SLC25A11: variants seen among roughly 807,000 people sequenced by gnomAD.
The protein encoded by SLC25A11 is mitochondrial 2-oxoglutarate/malate carrier protein.
Under a neutral mutation model 32.7 loss-of-function variants are expected in SLC25A11, and 11 were observed. That is an observed-to-expected ratio of 0.34 (90% confidence interval 0.21 to 0.56). SLC25A11 has a LOEUF of 0.56. Among genes scored for constraint, SLC25A11 ranks in the 20% least tolerant of loss-of-function variants. The probability of loss-of-function intolerance (pLI) is 0.90; values close to 1 mark genes in which losing one functional copy is unlikely to be tolerated. For missense variants in SLC25A11, 295 were observed against 426.3 expected (o/e 0.69, Z 2.71); for synonymous variants, 163 against 168.3 (o/e 0.97, Z 0.24).
Position 4,938,725 on chromosome 17 carries a change from T to A in SLC25A11, c.455+44A>T, listed in dbSNP as rs1475571010. 1 of 1,596,382 alleles carries A rather than the reference T, an allele frequency of 6.3e-7. No individual in the cohort carries two copies. Among genetic ancestry groups the A allele is most frequent in the Non-Finnish European group, 8.6e-7 (1 of 1,166,938 alleles). On this transcript the variant is annotated intron_variant, in intron 3 of 7. Coordinates refer to ENST00000225665, the MANE Select transcript of SLC25A11 (RefSeq NM_003562.5). This position sits in a 1 kb window ranked among gnomAD's most constrained non-coding sequence, Gnocchi z 7.6. The stretch of plus-strand genomic sequence containing the variant: ...AAAAAACTGGTCCTTTCATTCTAGA[T>A]TCGAGGGAATGGGGCTGGGGTTAGG...
At position 4,938,981 on chromosome 17, in the gene SLC25A11, G is replaced by C. The variant is rs1280871467; in HGVS notation, c.249-6C>G. 1 of 1,614,186 alleles carries C rather than the reference G, an allele frequency of 6.2e-7. No homozygotes were observed. On this transcript the variant is annotated splice_region_variant and splice_polypyrimidine_tract_variant and intron_variant, in intron 2 of 7. Coordinates refer to ENST00000225665, the MANE Select transcript of SLC25A11 (RefSeq NM_003562.5). This position sits in a 1 kb window ranked among gnomAD's most constrained non-coding sequence, Gnocchi z 7.6. ...GCAGCAGGCCAGCCGACAGCCTGAG[G>C]AGCAGAGGGGTCAGCATATCAGGCC...
rs768068833 is a variant in SLC25A11, at chr17:4,939,243, C to T, written c.96-31G>A. 4 of 1,585,870 alleles carry T rather than the reference C, an allele frequency of 2.5e-6. No homozygotes were observed. Among genetic ancestry groups the T allele is most frequent in the South Asian group, 2.2e-5 (2 of 88,922 alleles). ...GGAAGACAGAGGTGGAGTGAAGGGC[C>T]AGGCATTCCAGATCTACCAGTGCCC... On this transcript the variant is annotated intron_variant, in intron 1 of 7. Transcript: ENST00000225665. This position sits in a 1 kb window ranked among gnomAD's most constrained non-coding sequence, Gnocchi z 4.1.
chr17:4,938,088 C>T lies in SLC25A11; in HGVS notation c.738-14G>A, dbSNP rs73973661. ...ATGTTCTGGATTCTGCAGGAGAGGACGCAGGGGCATGAGAGACCGAAAGGG... is the reference window on the plus strand; with the variant it reads ...ATGTTCTGGATTCTGCAGGAGAGGATGCAGGGGCATGAGAGACCGAAAGGG... On this transcript the variant is annotated splice_polypyrimidine_tract_variant and intron_variant, in intron 6 of 7. Transcript: ENST00000225665. This position sits in a 1 kb window ranked among gnomAD's most constrained non-coding sequence, Gnocchi z 7.6. 1.7e-3 allele frequency: 2,764 copies of T among 1,614,118 alleles called. 34 individuals are homozygous for T. In the African/African-American group the frequency reaches 0.03, roughly 17 times the overall value.
Position 4,938,253 on chromosome 17 carries a change from C to G in SLC25A11, c.638G>C (p.Gly213Ala), listed in dbSNP as rs1215817662. The G allele has an allele frequency of 6.2e-7, 1 of 1,613,276 alleles. No homozygotes were observed. Among genetic ancestry groups the G allele is most frequent in the Non-Finnish European group, 8.5e-7 (1 of 1,179,592 alleles). The stretch of plus-strand genomic sequence containing the variant: ...GCACAAGATGTTGTCAGAGAAGTAG[C>G]CTGGGGGAGGTGAGGCGGGGGTGGC... ...SQSKQFLLDS[G>A]YFSDNILCHF... is the part of the protein sequence containing the mutation. Residue 213 changes from glycine (G) to alanine (A), a missense_variant and splice_region_variant, in exon 6 of 8, where the codon GGC (glycine) becomes GCC (alanine). This residue lies in a region of SLC25A11 where 142 missense variants were observed against 197.8 expected (regional missense o/e 0.72). Coordinates refer to ENST00000225665, the MANE Select transcript of SLC25A11 (RefSeq NM_003562.5). The surrounding 1 kb of genome is among the most constrained non-coding windows in gnomAD (Gnocchi z 7.6).
chr17:4,938,153 C>T lies in SLC25A11; in HGVS notation c.737+1G>A. The T allele has an allele frequency of 1.2e-6, 2 of 1,614,180 alleles. No individual in the cohort carries two copies. The highest frequency in any genetic ancestry group is 1.7e-6 in the Non-Finnish European group (2 of 1,179,998). On this transcript the variant is annotated splice_donor_variant, in intron 6 of 7. Transcript: ENST00000225665. LOFTEE classifies it high-confidence loss of function. The surrounding 1 kb of genome is among the most constrained non-coding windows in gnomAD (Gnocchi z 7.6). ...CCTCCAGGCCCAGGCTGCACACTCA[C>T]CGGGTCTTGGCAATGTCCACAGGCA...
rs760805468 is a variant in SLC25A11, at chr17:4,938,269, C to T, written c.638-16G>A. The stretch of plus-strand genomic sequence containing the variant: ...GAGAAGTAGCCTGGGGGAGGTGAGG[C>T]GGGGGTGGCAGTCAGCTCAGAGGTG... On this transcript the variant is annotated splice_polypyrimidine_tract_variant and intron_variant, in intron 5 of 7. Transcript: ENST00000225665. The surrounding 1 kb of genome is among the most constrained non-coding windows in gnomAD (Gnocchi z 7.6). 3.8e-5 allele frequency: 61 copies of T among 1,611,710 alleles called. No homozygotes were observed. Among genetic ancestry groups the T allele is most frequent in the South Asian group, 3.1e-4 (28 of 91,016 alleles).
chr17:4,938,965 C>T lies in SLC25A11; in HGVS notation c.259G>A (p.Gly87Ser). 1.9e-6 allele frequency: 3 copies of T among 1,614,136 alleles called. No homozygotes were observed. The highest frequency in any genetic ancestry group is 2.5e-6 in the Non-Finnish European group (3 of 1,180,010). The change falls in exon 3 of 8, where the codon GGC (glycine) becomes AGC (serine). Residue 87 changes from glycine to serine, a missense_variant. Around this residue, in one of 3 missense-constraint regions of SLC25A11, gnomAD observed 104 missense variants for 121.5 expected, o/e 0.86. Transcript: ENST00000225665. The surrounding 1 kb of genome is among the most constrained non-coding windows in gnomAD (Gnocchi z 7.6). ...LRGIYTGLSA[G>S]LLRQATYTTT... ...GTGTAGGTGGCCTGACGCAGCAGGC[C>T]AGCCGACAGCCTGAGGAGCAGAGGG... is the stretch of plus-strand genomic sequence containing the variant.
chr17:4,939,467 G>A lies in SLC25A11; in HGVS notation c.96-255C>T. 1 of 581,114 alleles carries A rather than the reference G, an allele frequency of 1.7e-6. No individual in the cohort carries two copies. Among genetic ancestry groups the A allele is most frequent in the Non-Finnish European group, 3.0e-6 (1 of 328,382 alleles). 36.0% of individuals were successfully genotyped at this position (581,114 alleles called of 1,614,324 possible). ...GACAGTCAAGCAGTGACCTGGGGCT[G>A]CACGCAGTCCGACACAGGGAGGGGA... On this transcript the variant is annotated intron_variant, in intron 1 of 7. Coordinates refer to ENST00000225665, the MANE Select transcript of SLC25A11 (RefSeq NM_003562.5). The surrounding 1 kb of genome is among the most constrained non-coding windows in gnomAD (Gnocchi z 4.1).
Position 4,938,909 on chromosome 17 carries a change from C to G in SLC25A11, c.315G>C (p.Leu105=). The change falls in exon 3 of 8, where the codon CTG becomes CTC. Residue 105 remains leucine, a synonymous_variant. Coordinates refer to ENST00000225665, the MANE Select transcript of SLC25A11 (RefSeq NM_003562.5). This position sits in a 1 kb window ranked among gnomAD's most constrained non-coding sequence, Gnocchi z 7.6. ...TTTRLGIYTV[L]FERLTGADGT... ...CATCAGCCCCAGTCAGGCGCTCAAACAGCACGGTATAGATGCCAAGGCGGG... is the reference window on the plus strand; with the variant it reads ...CATCAGCCCCAGTCAGGCGCTCAAAGAGCACGGTATAGATGCCAAGGCGGG... 6.2e-7 allele frequency: 1 copy of G among 1,614,188 alleles called. No homozygotes were observed. The highest frequency in any genetic ancestry group is 8.5e-7 in the Non-Finnish European group (1 of 1,180,030).
At position 4,937,807 on chromosome 17, in the gene SLC25A11, GGT is replaced by G; in HGVS notation, c.877_878del (p.Thr293ArgfsTer35). On this transcript the variant is annotated frameshift_variant, in exon 8 of 8. Coordinates refer to ENST00000225665, the MANE Select transcript of SLC25A11 (RefSeq NM_003562.5). LOFTEE classifies it high-confidence loss of function. The stretch of plus-strand genomic sequence containing the variant: ...GCTCCAAGAAGATGAAGGTGAGGAC[GGT>G]GTGGGGGCCCAGGCGGGCATAGTAC... ...TPYYARLGPH[T>X]VLTFIFLEQM... The G allele has an allele frequency of 6.2e-7, 1 of 1,614,194 alleles. No homozygotes were observed. Among genetic ancestry groups the G allele is most frequent in the South Asian group, 1.1e-5 (1 of 91,088 alleles).
At position 4,939,792 on chromosome 17, in the gene SLC25A11, C is replaced by T. The variant is rs554943773; in HGVS notation, c.95+24G>A. The T allele has an allele frequency of 2.5e-6, 4 of 1,596,132 alleles. No individual in the cohort carries two copies. Among genetic ancestry groups the T allele is most frequent in the Non-Finnish European group, 3.4e-6 (4 of 1,165,954 alleles). ...TTTGCCCTTCCCTTCCTCCTCTTTT[C>T]CCATCCCTGGGGCCTGAGCTTACCC... is the stretch of plus-strand genomic sequence containing the variant. On this transcript the variant is annotated intron_variant, in intron 1 of 7. Transcript: ENST00000225665. This position sits in a 1 kb window ranked among gnomAD's most constrained non-coding sequence, Gnocchi z 4.1.
rs1343909063 is a variant in SLC25A11, at chr17:4,938,309, G to A, written c.637+30C>T. On this transcript the variant is annotated intron_variant, in intron 5 of 7. Transcript: ENST00000225665. This position sits in a 1 kb window ranked among gnomAD's most constrained non-coding sequence, Gnocchi z 7.6. ...GCTCAGAGGTGGCTCAGGCCAGGCT[G>A]GGAACTAAGGGCCCAGCTCTGGATC... The A allele has an allele frequency of 3.1e-6, 5 of 1,613,634 alleles. No homozygotes were observed. The Admixed American group carries it at 8.3e-5, about 27-fold the overall frequency.
chr17:4,938,918 A>G lies in SLC25A11; in HGVS notation c.306T>C (p.Tyr102=), dbSNP rs781258501. Reference sequence around the variant, plus strand: ...CAGTCAGGCGCTCAAACAGCACGGTATAGATGCCAAGGCGGGTAGTGGTGT... The same window carrying G: ...CAGTCAGGCGCTCAAACAGCACGGTGTAGATGCCAAGGCGGGTAGTGGTGT... ...ATYTTTRLGI[Y]TVLFERLTGA... is the part of the protein sequence containing the mutation. Residue 102 remains tyrosine (Y), a synonymous_variant, in exon 3 of 8, where the codon TAT becomes TAC. Transcript: ENST00000225665. This position sits in a 1 kb window ranked among gnomAD's most constrained non-coding sequence, Gnocchi z 7.6. The G allele has an allele frequency of 6.2e-7, 1 of 1,614,134 alleles. No homozygotes were observed. Among genetic ancestry groups the G allele is most frequent in the Admixed American group, 1.7e-5 (1 of 60,020 alleles).
rs1026422130 is a variant in SLC25A11, at chr17:4,940,016, C to T, written c.-106G>A. The T allele has an allele frequency of 1.9e-5, 14 of 730,668 alleles. No individual in the cohort carries two copies. Among genetic ancestry groups the T allele is most frequent in the Non-Finnish European group, 2.9e-5 (14 of 486,126 alleles). The allele number at this position is 730,668 out of a possible 1,614,324, so 45.3% of individuals were successfully genotyped here. On this transcript the variant is annotated 5_prime_UTR_variant, in exon 1 of 8. Transcript: ENST00000225665. ...GAGCGAGGGCGCGCGCACGCCCCTC[C>T]AGCTCTCAGGTCCGACACCCGCTGG...
chr17:4,939,897 G>C lies in SLC25A11; in HGVS notation c.14C>G (p.Ala5Gly). The C allele has an allele frequency of 1.2e-6, 2 of 1,610,118 alleles. No homozygotes were observed. Among genetic ancestry groups the C allele is most frequent in the Non-Finnish European group, 1.7e-6 (2 of 1,178,968 alleles). MAAT[A>G]SAGAGGIDGK... Reference sequence around the variant, plus strand: ...GTCTATCCCGCCGGCCCCGGCACTCGCCGTCGCCGCCATCGCCACTCAATG... The same window carrying C: ...GTCTATCCCGCCGGCCCCGGCACTCCCCGTCGCCGCCATCGCCACTCAATG... The change falls in exon 1 of 8, where the codon GCG (alanine) becomes GGG (glycine). Residue 5 changes from alanine to glycine, a missense_variant. Coordinates refer to ENST00000225665, the MANE Select transcript of SLC25A11 (RefSeq NM_003562.5). This position sits in a 1 kb window ranked among gnomAD's most constrained non-coding sequence, Gnocchi z 4.1.
Position 4,939,656 on chromosome 17 carries a change from A to G in SLC25A11, c.95+160T>C, listed in dbSNP as rs574401578. The G allele has an allele frequency of 3.0e-5, 21 of 694,290 alleles. No homozygotes were observed. The highest frequency in any genetic ancestry group is 2.0e-5 in the Non-Finnish European group (8 of 393,172). 43.0% of individuals were successfully genotyped at this position (694,290 alleles called of 1,614,324 possible). A position where few individuals can be genotyped will look rare whatever the true frequency, so the allele number is the denominator to read the frequency against. On this transcript the variant is annotated intron_variant, in intron 1 of 7. Coordinates refer to ENST00000225665, the MANE Select transcript of SLC25A11 (RefSeq NM_003562.5). The surrounding 1 kb of genome is among the most constrained non-coding windows in gnomAD (Gnocchi z 4.1). ...GCATGCAGTCCATAAGGGTCCTGCA[A>G]TGGGGCCCTAGCAGCCCATCGGGGA...
chr17:4,939,302 A>C lies in SLC25A11; in HGVS notation c.96-90T>G. 2.2e-6 allele frequency: 3 copies of C among 1,382,700 alleles called. No individual in the cohort carries two copies. Among genetic ancestry groups the C allele is most frequent in the African/African-American group, 1.4e-5 (1 of 69,648 alleles). 85.7% of individuals were successfully genotyped at this position (1,382,700 alleles called of 1,614,324 possible). On this transcript the variant is annotated intron_variant, in intron 1 of 7. Transcript: ENST00000225665. The surrounding 1 kb of genome is among the most constrained non-coding windows in gnomAD (Gnocchi z 4.1). ...CTGGCAGCAAGAGGTTACAAAGGTC[A>C]GGGCCTGCCATGCGATTCAAGAATC...
In SLC25A11 at chr17:4,938,255, T is replaced by C. The variant is rs1970477565; in HGVS notation, c.638-2A>G. 6.2e-7 allele frequency: 1 copy of C among 1,613,286 alleles called. No individual in the cohort carries two copies. Among genetic ancestry groups the C allele is most frequent in the Non-Finnish European group, 8.5e-7 (1 of 1,179,594 alleles). ...ACAAGATGTTGTCAGAGAAGTAGCC[T>C]GGGGGAGGTGAGGCGGGGGTGGCAG... is the stretch of plus-strand genomic sequence containing the variant. On this transcript the variant is annotated splice_acceptor_variant, in intron 5 of 7. Transcript: ENST00000225665. LOFTEE classifies it high-confidence loss of function. The surrounding 1 kb of genome is among the most constrained non-coding windows in gnomAD (Gnocchi z 7.6).
At position 4,938,204 on chromosome 17, in the gene SLC25A11, G is replaced by A. The variant is rs200653286; in HGVS notation, c.687C>T (p.Ser229=). 25 of 1,614,054 alleles carry A rather than the reference G, an allele frequency of 1.5e-5. No homozygotes were observed. The highest frequency in any genetic ancestry group is 3.3e-5 in the Admixed American group (2 of 60,018). The change falls in exon 6 of 8, where the codon AGC becomes AGT. Residue 229 remains serine, a synonymous_variant. Transcript: ENST00000225665. The surrounding 1 kb of genome is among the most constrained non-coding windows in gnomAD (Gnocchi z 7.6). Reference sequence around the variant, plus strand: ...TGGAGGCAGCAGTGGTGACAAGACCGCTGATCATGCTGGCACAGAAGTGGC... The same window carrying A: ...TGGAGGCAGCAGTGGTGACAAGACCACTGATCATGCTGGCACAGAAGTGGC... ...ILCHFCASMI[S]GLVTTAASMP... is the part of the protein sequence containing the mutation.
Sources: allele counts gnomAD v4.1 joint callset, GRCh38; gene constraint gnomAD v4.1.1; regional missense constraint gnomAD v4.1.1; non-coding constraint Gnocchi (gnomAD v3.1); transcripts MANE v1.5; gene names NCBI Gene and HGNC (gene_info 2026-07-23, HGNC 2026-07-21).